Variants in COL11A1 observed in about 807,000 individuals in gnomAD.
COL11A1 encodes the protein collagen type XI alpha 1 chain, also known as collagen alpha-1(XI) chain.
COL11A1 carries 74 observed loss-of-function variants against 265.2 expected under a neutral mutation model. The observed-to-expected ratio is 0.28, with a 90% CI of 0.23 to 0.34. COL11A1 has a LOEUF of 0.34. COL11A1 is among the 10% of genes least tolerant of loss of function. The probability of loss-of-function intolerance (pLI) is 1.00; values close to 1 mark genes in which losing one functional copy is unlikely to be tolerated. For missense variants in COL11A1, 2,165 were observed against 2,263.6 expected (o/e 0.96, Z 0.88); for synonymous variants, 816 against 727.6 (o/e 1.12, Z -1.96).
At chr1:103,005,489 C>T (rs933813614) in intron 18 of COL11A1, among the ~76,000 whole-genome samples, 1 of 151,900 alleles carries the variant, frequency 6.6e-6, no homozygotes, top group Non-Finnish European at 1.5e-5. Flanking sequence ...TGTCCACAGG[C>T]AAAAAGCAAT....
At chr1:102,903,203 T>C (rs1653457850) in intron 54 of COL11A1, among the ~76,000 whole-genome samples, 1 of 152,126 alleles carries the variant, frequency 6.6e-6, no homozygotes, top group Non-Finnish European at 1.5e-5. Flanking sequence ...TATACATTCA[T>C]TCTCAAGTAT....
intron 24 of COL11A1, among the ~76,000 whole-genome samples, chr1:103,000,173 T>C (rs1664978685): frequency 6.6e-6 from 1 of 151,844 alleles, no homozygotes; most frequent in Admixed American, 6.6e-5. Context: ...GAAAATTTAA[T>C]AGGTGCATGT....
At chr1:102,914,561 A>T (rs528797538) in intron 51 of COL11A1, 143 bp downstream of exon 51, 1 of 968,562 alleles carries the variant, frequency 1.0e-6, no homozygotes, top group East Asian at 2.6e-5. Context: ...AATTCAATTG[A>T]GAATGCTTAC....
chr1:103,094,143 A>G (rs990390423), intron 1 of COL11A1, among the ~76,000 whole-genome samples: 1 of 152,202 alleles, frequency 6.6e-6, no homozygotes, highest in Non-Finnish European at 1.5e-5. Flanking sequence ...AAAAATGTGG[A>G]GGTGTGGGGG....
chr1:102,938,641 T>A (rs1564142), intron 44 of COL11A1, among the ~76,000 whole-genome samples: 1 of 152,040 alleles, frequency 6.6e-6, no homozygotes. Context: ...ATGATTTAAA[T>A]GAAAAATTTT....
chr1:102,947,215 A>G (rs529928935), intron 41 of COL11A1, among the ~76,000 whole-genome samples: 1 of 151,744 alleles, frequency 6.6e-6, no homozygotes, highest in East Asian at 1.9e-4. Flanking sequence ...AGATGTATTT[A>G]ATATTTATTT....
chr1:102,939,136 C>T (rs1455523198), intron 43 of COL11A1, 48 bp from the exon 44 acceptor site: 6 of 1,478,054 alleles, frequency 4.1e-6, no homozygotes, highest in Non-Finnish European at 5.7e-6. Context: ...CATGCTATTG[C>T]ATTGTCTTAA....
intron 15 of COL11A1, among the ~76,000 whole-genome samples, chr1:103,007,749 A>G (rs1055472305): frequency 6.6e-6 from 1 of 151,560 alleles, no homozygotes; most frequent in Non-Finnish European, 1.5e-5. Context: ...AGTCCCAGCT[A>G]CTTGGGAGGC....
intron 46 of COL11A1, among the ~76,000 whole-genome samples, chr1:102,928,522 C>A (rs7418985): frequency 3.0e-4 from 45 of 152,218 alleles, no homozygotes; most frequent in African/African-American, 9.9e-4. Context: ...TGGGTTGGTT[C>A]CAAGTCTTTG....
At chr1:102,949,244 A>C (rs1413766635) in intron 41 of COL11A1, among the ~76,000 whole-genome samples, 1 of 150,228 alleles carries the variant, frequency 6.7e-6, no homozygotes, top group Non-Finnish European at 1.5e-5. Context: ...TGTACATATA[A>C]GGTGACTATA....
chr1:103,020,149 C>T (rs1454656208), intron 9 of COL11A1, among the ~76,000 whole-genome samples: 9 of 151,914 alleles, frequency 5.9e-5, no homozygotes, highest in Admixed American at 2.6e-4. Flanking sequence ...TTTTAGATCC[C>T]TGAGGAATTG....
intron 4 of COL11A1, among the ~76,000 whole-genome samples, chr1:103,031,557 T>C (rs941927616): frequency 6.6e-6 from 1 of 152,006 alleles, no homozygotes; most frequent in Non-Finnish European, 1.5e-5. Flanking sequence ...ACAAATAAAA[T>C]GTGAGCAAAA....
chr1:102,979,384 G>T lies in COL11A1; in HGVS notation c.2608C>A (p.Arg870=). The T allele has an allele frequency of 6.2e-7, 1 of 1,606,198 alleles. No homozygotes were observed. Among genetic ancestry groups the T allele is most frequent in the Non-Finnish European group, 8.5e-7 (1 of 1,173,110 alleles). The change falls in exon 32 of 67, where the codon CGG becomes AGG. Residue 870 remains arginine (R), a splice_region_variant and synonymous_variant. Transcript: ENST00000370096. The part of the protein sequence containing the change: ...FPGANGEKGA[R]GVAGKPGPRG... ...CAAAACATATTTATATATCATACCC[G>T]TGCACCTTTCTCTCCATTGGCACCT... is the stretch of plus-strand genomic sequence containing the variant.
At chr1:103,070,539 G>A (rs1426482036) in intron 4 of COL11A1, among the ~76,000 whole-genome samples, 1 of 151,826 alleles carries the variant, frequency 6.6e-6, no homozygotes, top group South Asian at 2.1e-4. Flanking sequence ...TGATTGTCTG[G>A]GGTTAGGATG....
chr1:102,937,439 A>G (rs6679803), intron 44 of COL11A1, among the ~76,000 whole-genome samples: 98,451 of 152,056 alleles, frequency 0.65, 35,778 homozygotes, highest in East Asian at 0.98. Context: ...TCGTTTGGAT[A>G]TGGTTTGTCC....
chr1:103,022,324 C>A (rs1263550265), intron 8 of COL11A1, among the ~76,000 whole-genome samples: 1 of 151,896 alleles, frequency 6.6e-6, no homozygotes, highest in Non-Finnish European at 1.5e-5. Context: ...TGAACGATTG[C>A]CTCTTATAAA....
At chr1:102,994,041 A>G (rs746557512) in intron 28 of COL11A1, among the ~76,000 whole-genome samples, 2 of 152,134 alleles carry the variant, frequency 1.3e-5, no homozygotes, top group Admixed American at 1.3e-4. Flanking sequence ...ATCTGACAAC[A>G]TAGTTGTTTA....
intron 41 of COL11A1, among the ~76,000 whole-genome samples, chr1:102,957,576 A>T (rs536351682): frequency 6.6e-6 from 1 of 152,208 alleles, no homozygotes; most frequent in African/African-American, 2.4e-5. Flanking sequence ...ATCAACCTGT[A>T]TATTAGTTTA....
At chr1:102,949,801 A>G (rs983145034) in intron 41 of COL11A1, among the ~76,000 whole-genome samples, 13 of 152,180 alleles carry the variant, frequency 8.5e-5, no homozygotes, top group Non-Finnish European at 1.8e-4. Context: ...GGTACAATGA[A>G]TTGTGCTAAA....
Sources: allele counts gnomAD v4.1 joint callset (sites outside exome capture counted in the v4.1 genomes callset), GRCh38; gene constraint gnomAD v4.1.1; transcripts MANE v1.5; gene names NCBI Gene and HGNC (gene_info 2026-07-23, HGNC 2026-07-21).